The following INPP4A variants were observed in gnomAD, a reference collection of about 807,000 sequenced individuals.
INPP4A encodes inositol polyphosphate-4-phosphatase, type I, 107kD.
In INPP4A, 33 loss-of-function variants were observed where a neutral mutation model predicts 119.8. The ratio of observed to expected loss-of-function variants is 0.28; its 90% CI spans 0.21 to 0.37. INPP4A has a LOEUF of 0.37. INPP4A is among the 10% of genes least tolerant of loss of function. The pLI is 1.00. For missense variants in INPP4A, 956 were observed against 1,289.9 expected, an observed-to-expected ratio of 0.74 and a Z score of 3.97; for synonymous variants, 496 against 500.7, an observed-to-expected ratio of 0.99 and a Z score of 0.12.
chr2:98,574,468 T>C (rs1461687065), intron 23 of INPP4A, among the ~76,000 whole-genome samples: 1 of 151,920 alleles, frequency 6.6e-6, no homozygotes, highest in Non-Finnish European at 1.5e-5. Flanking sequence ...TGAAACCCCA[T>C]CTCTACTAAA....
rs934493265 is a variant in INPP4A, at chr2:98,464,717, C to T, written c.-166+19632C>T. On this transcript the variant is annotated intron_variant, in intron 1 of 24. Coordinates refer to ENST00000409851, the MANE Select transcript of INPP4A (RefSeq NM_001134225.2). ...GATCACAGCTCATGATGCCTGAGATCAGGAGGGTCTGCTCCATGAGATATC... is the reference window on the plus strand; with the variant it reads ...GATCACAGCTCATGATGCCTGAGATTAGGAGGGTCTGCTCCATGAGATATC... 3.9e-5 allele frequency among the ~76,000 whole-genome samples: 6 copies of T among 152,190 alleles called. No individual in the cohort carries two copies. In the East Asian group the frequency reaches 7.7e-4, roughly 20 times the overall value.
chr2:98,563,863 G>A (rs1328435487), intron 18 of INPP4A, among the ~76,000 whole-genome samples: 1 of 151,904 alleles, frequency 6.6e-6, no homozygotes, highest in African/African-American at 2.4e-5. Context: ...ACTGGCACCT[G>A]CAGAGTCTGC....
chr2:98,484,316 C>T (rs146026737), intron 1 of INPP4A, among the ~76,000 whole-genome samples: 35 of 152,324 alleles, frequency 2.3e-4, no homozygotes, highest in Non-Finnish European at 5.0e-4. Context: ...CTCCCATCTC[C>T]GTTCCTCCTG....
chr2:98,490,718 C>T (rs1027854115), intron 1 of INPP4A, among the ~76,000 whole-genome samples: 11 of 152,212 alleles, frequency 7.2e-5, no homozygotes, highest in East Asian at 1.9e-4. Context: ...ACCTGTGTGA[C>T]GCCTGGGCCT....
chr2:98,567,910 G>A (rs780734151), intron 21 of INPP4A, among the ~76,000 whole-genome samples: 2 of 152,174 alleles, frequency 1.3e-5, no homozygotes, highest in Non-Finnish European at 2.9e-5. Context: ...GCTGATGCTC[G>A]GAAGGCCCCT....
At chr2:98,561,075 C>A (rs534969306) in intron 17 of INPP4A, among the ~76,000 whole-genome samples, 1 of 152,290 alleles carries the variant, frequency 6.6e-6, no homozygotes, top group South Asian at 2.1e-4. Context: ...TACACACTTA[C>A]AAAGGCACAC....
rs141870760 is a variant in INPP4A at position 98,550,647 on chromosome 2, G to A, written c.1164-2139G>A. On this transcript the variant is annotated intron_variant, in intron 13 of 24. Coordinates refer to ENST00000409851, the MANE Select transcript of INPP4A (RefSeq NM_001134225.2). ...CCTGCCGCCCTCATGTGGCTGCCTG[G>A]TTTTTAAAACTAGGTAGTTGAGCAC... Among the ~76,000 whole-genome samples the A allele has an allele frequency of 2.6e-5, 4 of 152,316 alleles. No individual in the cohort carries two copies. The East Asian group carries it at 7.7e-4, about 29-fold the overall frequency.
intron 1 of INPP4A, among the ~76,000 whole-genome samples, chr2:98,450,150 C>T (rs926986336): frequency 6.6e-6 from 1 of 151,866 alleles, no homozygotes; most frequent in Non-Finnish European, 1.5e-5. Flanking sequence ...TTTCTGAGTA[C>T]CCCCTGCATG....
chr2:98,484,207 G>A (rs1679076208), intron 1 of INPP4A, among the ~76,000 whole-genome samples: 1 of 152,074 alleles, frequency 6.6e-6, no homozygotes, highest in South Asian at 2.1e-4. Flanking sequence ...TGTCTGCAGG[G>A]ATGAGTCTGT....
chr2:98,551,538 G>T (rs1055148390), intron 13 of INPP4A, among the ~76,000 whole-genome samples: 1 of 152,188 alleles, frequency 6.6e-6, no homozygotes, highest in Non-Finnish European at 1.5e-5. Flanking sequence ...AGCAAGGGAA[G>T]GGGTAGTGGT....
At chr2:98,508,771 C>T (rs985050961) in intron 1 of INPP4A, among the ~76,000 whole-genome samples, 23 of 152,166 alleles carry the variant, frequency 1.5e-4, no homozygotes, top group African/African-American at 5.3e-4. Context: ...GAGAGAGAAC[C>T]GCGCTGCTCC....
At chr2:98,555,984 G>C in intron 16 of INPP4A, 176 bp downstream of exon 16, 1 of 692,878 alleles carries the variant, frequency 1.4e-6, no homozygotes, top group Non-Finnish European at 2.3e-6. Flanking sequence ...CGGAGTCTCC[G>C]GTTGCCTTTC....
Position 98,546,088 on chromosome 2 carries a change from G to T in INPP4A, c.1054+15G>T. The T allele has an allele frequency of 6.6e-7, 1 of 1,522,342 alleles. No homozygotes were observed. Among genetic ancestry groups the T allele is most frequent in the Non-Finnish European group, 9.0e-7 (1 of 1,117,306 alleles). 94.3% of individuals were successfully genotyped at this position (1,522,342 alleles called of 1,614,324 possible). A position where few individuals can be genotyped will look rare whatever the true frequency, so the allele number is the denominator to read the frequency against. On this transcript the variant is annotated intron_variant, in intron 12 of 24. Coordinates refer to ENST00000409851, the MANE Select transcript of INPP4A (RefSeq NM_001134225.2). The surrounding 1 kb of genome is among the most constrained non-coding windows in gnomAD (Gnocchi z 4.2). ...TGGAGGATCAGGTACCTATTTTTCT[G>T]CTCCCTCTTGTTGAATCACATTTCG...
At position 98,548,106 on chromosome 2, in the gene INPP4A, CTGATCATGGGCAAGGCTGAGCAGGGA is replaced by C. The variant is rs1692795375; in HGVS notation, c.1163+1413_1163+1438del. On this transcript the variant is annotated intron_variant, in intron 13 of 24. Coordinates refer to ENST00000409851, the MANE Select transcript of INPP4A (RefSeq NM_001134225.2). ...GTCAGGGAGGCAGCTAGGGGCGTCA[CTGATCATGGGCAAGGCTGAGCAGGGA>C]ACGGAAGAGCGTACCCTGTGAGAAG... Among the ~76,000 whole-genome samples the C allele has an allele frequency of 2.7e-5, 4 of 150,334 alleles. No homozygotes were observed. In the South Asian group the frequency reaches 8.6e-4, roughly 32 times the overall value.
intron 16 of INPP4A, among the ~76,000 whole-genome samples, chr2:98,558,401 GTT>G (rs1264238276): frequency 6.6e-6 from 1 of 152,182 alleles, no homozygotes; most frequent in Non-Finnish European, 1.5e-5. Context: ...ATCACTGTGG[GTT>G]TCTATCTTTG....
chr2:98,508,632 G>T (rs1031959846), intron 1 of INPP4A, among the ~76,000 whole-genome samples: 1 of 152,172 alleles, frequency 6.6e-6, no homozygotes, highest in African/African-American at 2.4e-5. Flanking sequence ...AGAAATTTAT[G>T]TGACACGCTG....
intron 1 of INPP4A, among the ~76,000 whole-genome samples, chr2:98,469,709 C>G (rs766306333): frequency 1.3e-5 from 2 of 150,574 alleles, no homozygotes; most frequent in Non-Finnish European, 3.0e-5. Context: ...GAGGCTGAGG[C>G]AGGAGAATCC....
chr2:98,530,179 T>G (rs1688950013), intron 4 of INPP4A, among the ~76,000 whole-genome samples: 1 of 142,846 alleles, frequency 7.0e-6, no homozygotes, highest in African/African-American at 2.6e-5. Flanking sequence ...AAATCTACCA[T>G]AAGGACAACT....
intron 1 of INPP4A, among the ~76,000 whole-genome samples, chr2:98,480,074 A>G (rs1678093237): frequency 6.6e-6 from 1 of 152,244 alleles, no homozygotes; most frequent in Admixed American, 6.5e-5. Flanking sequence ...TGTCCTTGCC[A>G]GCACCTCCTC....
Sources: gnomAD v4.1 joint callset for allele counts (sites outside exome capture counted in the v4.1 genomes callset) on GRCh38, gnomAD v4.1.1 for gene constraint, Gnocchi (gnomAD v3.1) non-coding constraint, MANE v1.5 for transcripts, NCBI Gene and HGNC (gene_info 2026-07-23, HGNC 2026-07-21) for gene names.